The following NCK2 variants were observed in gnomAD, a reference collection of about 807,000 sequenced individuals.
NCK2 encodes NCK adaptor protein 2, also known as cytoplasmic protein NCK2.
A neutral mutation model predicts 33.9 loss-of-function variants in NCK2; 16 were observed. That is an observed-to-expected ratio of 0.47 (90% CI 0.32 to 0.72). The LOEUF (loss-of-function observed/expected upper bound fraction) is 0.72, where lower values mean the gene tolerates loss of function less well. NCK2 is among the 30% of genes least tolerant of loss of function. NCK2 has a pLI of 0.03. For missense variants in NCK2, 418 were observed against 537.3 expected (o/e 0.78, Z 2.19); for synonymous variants, 273 against 239.9 (o/e 1.14, Z -1.27).
chr2:105,794,818 C>T (rs1691017671), intron 1 of NCK2, among the ~76,000 whole-genome samples: 1 of 152,094 alleles, frequency 6.6e-6, no homozygotes, highest in African/African-American at 2.4e-5. Flanking sequence ...TCAAGCGATT[C>T]TCCTGCCTCA....
chr2:105,882,431 C>T (rs992454602), intron 4 of NCK2, among the ~76,000 whole-genome samples: 1 of 152,214 alleles, frequency 6.6e-6, no homozygotes, highest in African/African-American at 2.4e-5. Context: ...CCAGAGAAAG[C>T]ATTCTTTGCA....
intron 1 of NCK2, among the ~76,000 whole-genome samples, chr2:105,790,454 C>CCCTCTG (rs1690840397): frequency 1.3e-5 from 2 of 152,186 alleles, no homozygotes; most frequent in Admixed American, 6.5e-5. Flanking sequence ...GTGAGGAGAC[C>CCCTCTG]CCTCTGCAGG....
intron 2 of NCK2, among the ~76,000 whole-genome samples, chr2:105,830,972 T>C (rs1676163709): frequency 6.6e-6 from 1 of 152,208 alleles, no homozygotes; most frequent in Non-Finnish European, 1.5e-5. Flanking sequence ...ATATTTTGGA[T>C]AATAAATAGT....
At chr2:105,823,894 G>A (rs903511021) in intron 2 of NCK2, among the ~76,000 whole-genome samples, 1 of 152,004 alleles carries the variant, frequency 6.6e-6, no homozygotes, top group African/African-American at 2.4e-5. Context: ...GTGATCAAAC[G>A]CCTTGTTCCG....
At chr2:105,795,877 G>A (rs1420321920) in intron 1 of NCK2, among the ~76,000 whole-genome samples, 1 of 151,978 alleles carries the variant, frequency 6.6e-6, no homozygotes. Context: ...CCTCCCCCCA[G>A]TCTTTTTCAG....
At chr2:105,789,135 A>G (rs904012616) in intron 1 of NCK2, among the ~76,000 whole-genome samples, 4 of 152,074 alleles carry the variant, frequency 2.6e-5, no homozygotes, top group African/African-American at 9.7e-5. Context: ...CGGCTCCCAT[A>G]GCGGGTGTGA....
At chr2:105,786,060 T>C (rs1408699504) in intron 1 of NCK2, among the ~76,000 whole-genome samples, 1 of 152,216 alleles carries the variant, frequency 6.6e-6, no homozygotes, top group African/African-American at 2.4e-5. Context: ...ATTTGCCTTA[T>C]TCTCACGTCC....
intron 2 of NCK2, among the ~76,000 whole-genome samples, chr2:105,837,483 CAT>C (rs1676475903): frequency 1.3e-5 from 2 of 152,228 alleles, no homozygotes; most frequent in Admixed American, 1.3e-4. Flanking sequence ...GATAGTGAAT[CAT>C]GTGACTATAC....
intron 1 of NCK2, among the ~76,000 whole-genome samples, chr2:105,758,753 A>G (rs374284772): frequency 1.6e-4 from 25 of 152,220 alleles, no homozygotes; most frequent in African/African-American, 6.0e-4. Context: ...CTTGACTTCT[A>G]CACAGTAGTC....
At chr2:105,853,738 T>A (rs1425710668) in intron 2 of NCK2, 1 of 152,308 alleles carries the variant, frequency 6.6e-6, no homozygotes, top group Non-Finnish European at 1.5e-5. Flanking sequence ...CTCCTAATAT[T>A]AAGACAACAA....
At chr2:105,882,842 G>A (rs1055213752) in intron 4 of NCK2, among the ~76,000 whole-genome samples, 1 of 152,214 alleles carries the variant, frequency 6.6e-6, no homozygotes, top group Non-Finnish European at 1.5e-5. Flanking sequence ...CAAGCATTTA[G>A]GAGATAGAGT....
intron 1 of NCK2, among the ~76,000 whole-genome samples, chr2:105,753,335 C>T (rs1689513234): frequency 6.6e-6 from 1 of 152,168 alleles, no homozygotes; most frequent in Non-Finnish European, 1.5e-5. Flanking sequence ...GACCATTGGC[C>T]TGGCTGCTCC....
chr2:105,792,012 C>G (rs1345209306), intron 1 of NCK2, among the ~76,000 whole-genome samples: 3 of 152,174 alleles, frequency 2.0e-5, no homozygotes, highest in Admixed American at 6.5e-5. Flanking sequence ...TTCTGAAAAG[C>G]AAGCTGTTGA....
chr2:105,883,011 A>T (rs1346963498), intron 4 of NCK2, among the ~76,000 whole-genome samples: 1 of 151,942 alleles, frequency 6.6e-6, no homozygotes, highest in East Asian at 1.9e-4. Flanking sequence ...CTGTTGACTG[A>T]TCAGAGAGGC....
chr2:105,828,380 A>G (rs955605196), intron 2 of NCK2, among the ~76,000 whole-genome samples: 3 of 152,222 alleles, frequency 2.0e-5, no homozygotes, highest in African/African-American at 7.2e-5. Context: ...ATAATTCACA[A>G]TAATTTGCCT....
chr2:105,802,054 C>A (rs1674861789), intron 1 of NCK2, among the ~76,000 whole-genome samples: 1 of 152,158 alleles, frequency 6.6e-6, no homozygotes, highest in Non-Finnish European at 1.5e-5. Flanking sequence ...TGCCTTTGAC[C>A]ATGATTTGTA....
intron 2 of NCK2, among the ~76,000 whole-genome samples, chr2:105,819,464 A>G (rs1191404573): frequency 1.3e-5 from 2 of 152,240 alleles, no homozygotes; most frequent in Admixed American, 1.3e-4. Context: ...TGATTGGATC[A>G]TCAGAACTCA....
At chr2:105,827,087 C>T (rs1675983334) in intron 2 of NCK2, among the ~76,000 whole-genome samples, 1 of 151,926 alleles carries the variant, frequency 6.6e-6, no homozygotes, top group Non-Finnish European at 1.5e-5. Context: ...GCAAGCTCTG[C>T]CTCCCACGTT....
intron 2 of NCK2, among the ~76,000 whole-genome samples, chr2:105,848,809 T>G (rs1417286200): frequency 6.6e-6 from 1 of 152,204 alleles, no homozygotes; most frequent in African/African-American, 2.4e-5. Context: ...AGGCATGAGA[T>G]ATTACAAAGA....
Sources: allele counts gnomAD v4.1 joint callset (sites outside exome capture counted in the v4.1 genomes callset), GRCh38; gene constraint gnomAD v4.1.1; transcripts MANE v1.5; gene names NCBI Gene and HGNC (gene_info 2026-07-23, HGNC 2026-07-21).